The following SLC35F1 variants were observed in gnomAD, a reference collection of about 807,000 sequenced individuals.
SLC35F1 encodes the protein chromosome 6 open reading frame 169.
A neutral mutation model predicts 48.7 loss-of-function variants in SLC35F1; 14 were observed. The ratio of observed to expected loss-of-function variants is 0.29; its 90% CI spans 0.19 to 0.45. The LOEUF is 0.45. Among genes scored for constraint, SLC35F1 ranks in the 20% least tolerant of loss-of-function variants. The pLI, the probability that SLC35F1 is intolerant of heterozygous loss-of-function variation, is 1.00. For missense variants in SLC35F1, 404 were observed against 500.0 expected (o/e 0.81, Z 1.83); for synonymous variants, 190 against 202.2 (o/e 0.94, Z 0.51).
intron 1 of SLC35F1, among the ~76,000 whole-genome samples, chr6:118,011,259 A>C (rs538260148): frequency 1.3e-5 from 2 of 152,186 alleles, no homozygotes; most frequent in South Asian, 4.1e-4. Flanking sequence ...TTTATAAAGA[A>C]AATAGGTTTA....
intron 2 of SLC35F1, among the ~76,000 whole-genome samples, chr6:118,161,742 T>C (rs893091397): frequency 7.2e-5 from 11 of 152,368 alleles, no homozygotes; most frequent in African/African-American, 2.6e-4. Flanking sequence ...ATGGGAATTA[T>C]GCTTCATGGG....
chr6:118,055,519 C>T (rs939172420), intron 1 of SLC35F1, among the ~76,000 whole-genome samples: 1 of 152,046 alleles, frequency 6.6e-6, no homozygotes, highest in African/African-American at 2.4e-5. Context: ...TTGATTTTTC[C>T]AAGTTAATTT....
intron 1 of SLC35F1, among the ~76,000 whole-genome samples, chr6:118,017,709 CTAAGT>C (rs1777340701): frequency 6.6e-6 from 1 of 152,134 alleles, no homozygotes; most frequent in African/African-American, 2.4e-5. Context: ...ATAAAGTGCT[CTAAGT>C]TAAGTTCCCT....
At chr6:118,192,518 C>T (rs919732633) in intron 2 of SLC35F1, among the ~76,000 whole-genome samples, 4 of 152,056 alleles carry the variant, frequency 2.6e-5, no homozygotes, top group Non-Finnish European at 5.9e-5. Context: ...ACTGCATTAG[C>T]ATTAAGCAGT....
intron 1 of SLC35F1, among the ~76,000 whole-genome samples, chr6:118,046,544 G>C (rs2114906246): frequency 6.6e-6 from 1 of 152,216 alleles, no homozygotes; most frequent in African/African-American, 2.4e-5. Flanking sequence ...ACAGCTTTGA[G>C]GTGAATGTAC....
intron 2 of SLC35F1, among the ~76,000 whole-genome samples, chr6:118,209,785 G>A (rs1288579714): frequency 6.6e-6 from 1 of 152,126 alleles, no homozygotes; most frequent in African/African-American, 2.4e-5. Flanking sequence ...TCTTCAGAGA[G>A]TTTATGTGTC....
chr6:117,987,495 T>A (rs1438707362), intron 1 of SLC35F1, among the ~76,000 whole-genome samples: 1 of 151,980 alleles, frequency 6.6e-6, no homozygotes, highest in South Asian at 2.1e-4. Flanking sequence ...CCTCTCCTCA[T>A]CTCTTTTCCC....
At chr6:118,139,401 C>G (rs926224024) in intron 1 of SLC35F1, among the ~76,000 whole-genome samples, 5 of 152,118 alleles carry the variant, frequency 3.3e-5, no homozygotes, top group Non-Finnish European at 5.9e-5. Flanking sequence ...CGTGAGCCAC[C>G]GCGCCCAGCC....
intron 1 of SLC35F1, among the ~76,000 whole-genome samples, chr6:117,993,587 C>T (rs1776947602): frequency 6.6e-6 from 1 of 151,840 alleles, no homozygotes; most frequent in South Asian, 2.1e-4. Flanking sequence ...TGGACTAATC[C>T]TTTGAGAACT....
rs138762429 is a variant in SLC35F1, at chr6:118,187,577, G to A, written c.349+32957G>A. On this transcript the variant is annotated intron_variant, in intron 2 of 7. Transcript: ENST00000360388. The stretch of plus-strand genomic sequence containing the variant: ...CAGTTTTCCCCTAGTTATCCAGCGC[G>A]TGGGTGGCTGGAGGGACTTCTCCCA... Among the ~76,000 whole-genome samples the A allele has an allele frequency of 3.2e-3, 480 of 152,202 alleles. 11 individuals carry two copies. The highest frequency in any genetic ancestry group is 0.028 in the Admixed American group (427 of 15,296).
At chr6:118,168,476 G>A (rs973937788) in intron 2 of SLC35F1, among the ~76,000 whole-genome samples, 1 of 152,052 alleles carries the variant, frequency 6.6e-6, no homozygotes, top group African/African-American at 2.4e-5. Flanking sequence ...ACAATATACT[G>A]TAATAAAAGT....
chr6:118,144,743 A>G (rs865790923), intron 1 of SLC35F1, among the ~76,000 whole-genome samples: 19 of 152,060 alleles, frequency 1.2e-4, no homozygotes, highest in Admixed American at 6.5e-4. Flanking sequence ...GAAGAAAACA[A>G]TATTTATTTT....
chr6:117,928,915 A>C (rs1212094211), intron 1 of SLC35F1, among the ~76,000 whole-genome samples: 1 of 152,158 alleles, frequency 6.6e-6, no homozygotes, highest in Non-Finnish European at 1.5e-5. Context: ...GTTTCTATTG[A>C]ATAAACATAG....
At chr6:118,251,394 C>T (rs182611842) in intron 3 of SLC35F1, among the ~76,000 whole-genome samples, 11 of 152,008 alleles carry the variant, frequency 7.2e-5, no homozygotes, top group Non-Finnish European at 1.5e-4. Flanking sequence ...GTGCCCAATA[C>T]AATACTGTTA....
chr6:118,147,399 T>C lies in SLC35F1; in HGVS notation c.174-7046T>C, dbSNP rs575329875. 7.2e-5 allele frequency among the ~76,000 whole-genome samples: 11 copies of C among 152,236 alleles called. No homozygotes were observed. In the South Asian group the frequency reaches 2.3e-3, roughly 32 times the overall value. On this transcript the variant is annotated intron_variant, in intron 1 of 7. Coordinates refer to ENST00000360388, the MANE Select transcript of SLC35F1 (RefSeq NM_001029858.4). ...GCCCCTGGGTTGTGCCCACATAATG[T>C]TGGTTATAGCCTATGCAGAGTTGGT...
chr6:118,107,982 A>G (rs1016758890), intron 1 of SLC35F1, among the ~76,000 whole-genome samples: 4 of 152,134 alleles, frequency 2.6e-5, no homozygotes, highest in Non-Finnish European at 4.4e-5. Context: ...CTAGCACAAG[A>G]AAACTTCAGA....
chr6:118,007,166 C>G lies in SLC35F1; in HGVS notation c.173+99267C>G, dbSNP rs552189481. Among the ~76,000 whole-genome samples the G allele has an allele frequency of 1.2e-4, 18 of 152,148 alleles. 1 individual carries two copies. In the South Asian group the frequency reaches 3.7e-3, roughly 32 times the overall value. Reference sequence around the variant, plus strand: ...GCAGTCAAATGCCAAGACACTGCATCTGATGAAGGCCTTCTTGCTGAAGCG... The same window carrying G: ...GCAGTCAAATGCCAAGACACTGCATGTGATGAAGGCCTTCTTGCTGAAGCG... On this transcript the variant is annotated intron_variant, in intron 1 of 7. Coordinates refer to ENST00000360388, the MANE Select transcript of SLC35F1 (RefSeq NM_001029858.4).
In SLC35F1 at chr6:117,923,699, A is replaced by ATATATG. The variant is rs1775956942; in HGVS notation, c.173+15800_173+15801insTATATG. On this transcript the variant is annotated intron_variant, in intron 1 of 7. Transcript: ENST00000360388. ...TGTACATATATACATATGTACATATACATATATGTACATATATACATATAT... is the reference window on the plus strand; with the variant it reads ...TGTACATATATACATATGTACATATATATATGCATATATGTACATATATACATATAT... Among the ~76,000 whole-genome samples the ATATATG allele has an allele frequency of 3.9e-4, 4 of 10,376 alleles. 1 individual carries two copies. Among genetic ancestry groups the ATATATG allele is most frequent in the African/African-American group, 1.2e-3 (4 of 3,390 alleles). The allele number at this position is 10,376 out of a possible 152,430, so 6.8% of individuals were successfully genotyped here.
At chr6:118,250,780 C>T (rs1365582977) in intron 3 of SLC35F1, among the ~76,000 whole-genome samples, 1 of 151,684 alleles carries the variant, frequency 6.6e-6, no homozygotes, top group Non-Finnish European at 1.5e-5. Flanking sequence ...TTGAGACCAG[C>T]CTGGCCAACA....
Sources: gnomAD v4.1 joint callset for allele counts (sites outside exome capture counted in the v4.1 genomes callset) on GRCh38, gnomAD v4.1.1 for gene constraint, MANE v1.5 for transcripts, NCBI Gene and HGNC (gene_info 2026-07-23, HGNC 2026-07-21) for gene names.